The following DEPDC5 variants were observed in gnomAD, a reference collection of about 807,000 sequenced individuals.
DEPDC5 encodes the protein DEP domain containing 5, GATOR1 subcomplex subunit.
DEPDC5 carries 73 observed loss-of-function variants against 217.3 expected under a neutral mutation model. The observed-to-expected ratio is 0.34, with a 90% CI of 0.28 to 0.41. DEPDC5 has a LOEUF of 0.41. DEPDC5 is among the 10% of genes least tolerant of loss of function. The pLI is 1.00. For missense variants in DEPDC5, 1,675 were observed against 2,070.1 expected, an observed-to-expected ratio of 0.81 and a Z score of 3.70; for synonymous variants, 733 against 756.7, an observed-to-expected ratio of 0.97 and a Z score of 0.51.
intron 38 of DEPDC5, among the ~76,000 whole-genome samples, chr22:31,886,552 G>A (rs1023328922): frequency 1.2e-4 from 18 of 151,806 alleles, no homozygotes; most frequent in African/African-American, 4.4e-4. Flanking sequence ...TTGAGGTCAG[G>A]AGTTTGAGAC....
intron 24 of DEPDC5, among the ~76,000 whole-genome samples, chr22:31,831,490 C>T (rs907212498): frequency 1.3e-5 from 2 of 152,050 alleles, no homozygotes; most frequent in East Asian, 1.9e-4. Context: ...CAGAGTCTTG[C>T]TCTGTGGCCC....
intron 14 of DEPDC5, among the ~76,000 whole-genome samples, chr22:31,800,837 A>C (rs1374203019): frequency 1.3e-5 from 2 of 151,954 alleles, no homozygotes; most frequent in Non-Finnish European, 2.9e-5. Context: ...ATTAGCCAGC[A>C]TGGTGGCGCA....
At chr22:31,889,303 T>C (rs954525688) in intron 38 of DEPDC5, among the ~76,000 whole-genome samples, 2 of 152,156 alleles carry the variant, frequency 1.3e-5, no homozygotes, top group African/African-American at 4.8e-5. Flanking sequence ...GCTAGAAACA[T>C]ATGTACTGCC....
intron 38 of DEPDC5, among the ~76,000 whole-genome samples, chr22:31,882,537 C>G (rs2093204664): frequency 6.6e-6 from 1 of 152,152 alleles, no homozygotes; most frequent in Non-Finnish European, 1.5e-5. Flanking sequence ...GGCGCTCGAA[C>G]CAGCACATAG....
At chr22:31,866,635 C>T (rs1394247752) in intron 33 of DEPDC5, among the ~76,000 whole-genome samples, 2 of 152,092 alleles carry the variant, frequency 1.3e-5, no homozygotes, top group Non-Finnish European at 2.9e-5. Flanking sequence ...CCGCCCACCT[C>T]GGCCTCCCAA....
chr22:31,803,243 C>T (rs2087078149), intron 15 of DEPDC5, among the ~76,000 whole-genome samples: 1 of 151,786 alleles, frequency 6.6e-6, no homozygotes, highest in Non-Finnish European at 1.5e-5. Context: ...CGGAGTCTCG[C>T]TCTGTCTCCC....
At chr22:31,855,028 A>G (rs1175000349) in intron 31 of DEPDC5, among the ~76,000 whole-genome samples, 1 of 149,790 alleles carries the variant, frequency 6.7e-6, no homozygotes, top group African/African-American at 2.5e-5. Flanking sequence ...GCTGTGGCAC[A>G]ATCTCGGCTC....
chr22:31,761,806 A>G (rs1015572882), intron 4 of DEPDC5, among the ~76,000 whole-genome samples: 3 of 151,762 alleles, frequency 2.0e-5, no homozygotes, highest in African/African-American at 7.3e-5. Context: ...TGTCTCTACT[A>G]AAATACAAAA....
At chr22:31,824,479 G>A (rs183812552) in intron 24 of DEPDC5, among the ~76,000 whole-genome samples, 3 of 152,284 alleles carry the variant, frequency 2.0e-5, no homozygotes, top group Admixed American at 2.0e-4. Context: ...AGGAATCTGG[G>A]TTGGCAGTAA....
intron 11 of DEPDC5, 41 bp from the exon 12 acceptor site, chr22:31,792,704 C>G (rs1450288225): frequency 7.0e-7 from 1 of 1,424,772 alleles, no homozygotes. Context: ...CTGAATTTCT[C>G]TTCTCAGCCT....
intron 2 of DEPDC5, among the ~76,000 whole-genome samples, chr22:31,756,113 G>A (rs763229026): frequency 3.3e-5 from 5 of 150,154 alleles, no homozygotes; most frequent in Non-Finnish European, 5.9e-5. Context: ...GAACTCCTGA[G>A]CTCAGGCAAT....
intron 21 of DEPDC5, 122 bp downstream of exon 21, chr22:31,815,334 G>A (rs2088947710): frequency 5.1e-6 from 5 of 973,072 alleles, no homozygotes; most frequent in East Asian, 2.6e-5. Flanking sequence ...TTCTTTGCCA[G>A]TGCAGTAGGT....
chr22:31,834,827 C>G (rs542155932), intron 25 of DEPDC5, among the ~76,000 whole-genome samples: 115 of 152,216 alleles, frequency 7.6e-4, no homozygotes, highest in Middle Eastern at 3.4e-3. Context: ...CCTCGCCCAG[C>G]CTTTGTCCCC....
rs1186469057 is a variant in DEPDC5 at position 31,879,123 on chromosome 22, T to C, written c.3806-402T>C. 2.0e-5 allele frequency among the ~76,000 whole-genome samples: 3 copies of C among 147,362 alleles called. No homozygotes were observed. The East Asian group carries it at 5.9e-4, about 29-fold the overall frequency. Reference sequence around the variant, plus strand: ...ATATATATACATATATATACACATATATATATACATATATATTTTTAATTG... The same window carrying C: ...ATATATATACATATATATACACATACATATATACATATATATTTTTAATTG... On this transcript the variant is annotated intron_variant, in intron 37 of 42. Transcript: ENST00000651528.
intron 33 of DEPDC5, among the ~76,000 whole-genome samples, chr22:31,863,817 A>G (rs1156813077): frequency 6.6e-6 from 1 of 151,824 alleles, no homozygotes; most frequent in East Asian, 2.0e-4. Context: ...CAGTTACTTG[A>G]GAGGGTGAGG....
chr22:31,827,948 C>T (rs1276911805), intron 24 of DEPDC5, among the ~76,000 whole-genome samples: 1 of 152,158 alleles, frequency 6.6e-6, no homozygotes, highest in African/African-American at 2.4e-5. Context: ...ACATGGCCAC[C>T]CTTCCCACAG....
At chr22:31,799,701 C>A (rs147252835) in intron 14 of DEPDC5, among the ~76,000 whole-genome samples, 1 of 150,726 alleles carries the variant, frequency 6.6e-6, no homozygotes, top group East Asian at 2.0e-4. Flanking sequence ...GAGGTTTCAC[C>A]GTATTGGCCA....
intron 2 of DEPDC5, among the ~76,000 whole-genome samples, chr22:31,756,072 A>ACG (rs1427020981): frequency 7.0e-6 from 1 of 142,140 alleles, no homozygotes; most frequent in Non-Finnish European, 1.5e-5. Context: ...TTTAGTAGAG[A>ACG]GGGTTTCACC....
intron 24 of DEPDC5, 177 bp downstream of exon 24, chr22:31,822,967 G>A (rs1232888565): frequency 6.7e-6 from 4 of 598,770 alleles, no homozygotes; most frequent in Admixed American, 2.9e-5. Flanking sequence ...TGGGCTGCAC[G>A]TTAACATTTT....
Sources: gnomAD v4.1 joint callset for allele counts (sites outside exome capture counted in the v4.1 genomes callset) on GRCh38, gnomAD v4.1.1 for gene constraint, MANE v1.5 for transcripts, NCBI Gene and HGNC (gene_info 2026-07-23, HGNC 2026-07-21) for gene names.